CNOT10: variants seen among roughly 807,000 people sequenced by gnomAD.
CNOT10 encodes the protein CCR4-NOT transcription complex subunit 10.
Under a neutral mutation model 94.6 loss-of-function variants are expected in CNOT10, and 30 were observed. That is an observed-to-expected ratio of 0.32 (90% CI 0.24 to 0.43). The LOEUF is 0.43. Among genes scored for constraint, CNOT10 ranks in the 20% least tolerant of loss-of-function variants. The probability of loss-of-function intolerance (pLI) is 1.00; values close to 1 mark genes in which losing one functional copy is unlikely to be tolerated. For missense variants in CNOT10, 759 were observed against 877.2 expected (o/e 0.87, Z 1.70); for synonymous variants, 289 against 301.6 (o/e 0.96, Z 0.43).
intron 16 of CNOT10, 76 bp downstream of exon 16, chr3:32,764,566 C>A: frequency 1.2e-6 from 2 of 1,602,596 alleles, no homozygotes; most frequent in South Asian, 2.2e-5. Flanking sequence ...CTTCTGTGTT[C>A]GTTTTTCTGC....
chr3:32,745,475 T>C (rs200684797), intron 13 of CNOT10, among the ~76,000 whole-genome samples: 1 of 152,098 alleles, frequency 6.6e-6, no homozygotes, highest in African/African-American at 2.4e-5. Context: ...AAGGATTGAA[T>C]AAACATTCTG....
At chr3:32,728,160 C>T (rs553953689) in intron 10 of CNOT10, among the ~76,000 whole-genome samples, 7 of 151,924 alleles carry the variant, frequency 4.6e-5, no homozygotes, top group African/African-American at 1.7e-4. Flanking sequence ...CCACGCCCAG[C>T]TAATTTTGTA....
At chr3:32,718,583 C>CAAAAAAA in intron 7 of CNOT10, among the ~76,000 whole-genome samples, 1 of 74,038 alleles carries the variant, frequency 1.4e-5, no homozygotes, top group Non-Finnish European at 2.4e-5. Context: ...GACTCATTCT[C>CAAAAAAA]AAAAAAAAAA....
At chr3:32,696,956 CTT>C (rs1220824270) in intron 1 of CNOT10, among the ~76,000 whole-genome samples, 2 of 139,646 alleles carry the variant, frequency 1.4e-5, no homozygotes, top group Non-Finnish European at 1.6e-5. Flanking sequence ...TTTTTCTTTT[CTT>C]TTTTTTTTTT....
At chr3:32,761,416 T>C (rs1472124569) in intron 14 of CNOT10, among the ~76,000 whole-genome samples, 2 of 152,156 alleles carry the variant, frequency 1.3e-5, no homozygotes, top group Non-Finnish European at 2.9e-5. Flanking sequence ...TGTGTGTGAC[T>C]GAGTCTGTCT....
At chr3:32,695,258 G>A (rs900340297) in intron 1 of CNOT10, among the ~76,000 whole-genome samples, 1 of 152,130 alleles carries the variant, frequency 6.6e-6, no homozygotes, top group Non-Finnish European at 1.5e-5. Context: ...TCATATGTGA[G>A]GTATGTTAAC....
chr3:32,722,456 T>G (rs1040003853), intron 8 of CNOT10, among the ~76,000 whole-genome samples: 1 of 152,228 alleles, frequency 6.6e-6, no homozygotes, highest in South Asian at 2.1e-4. Flanking sequence ...AAAGATAATA[T>G]ACTTTGAGAA....
chr3:32,762,977 G>A (rs1700515712), intron 15 of CNOT10, 114 bp downstream of exon 15: 1 of 1,160,600 alleles, frequency 8.6e-7, no homozygotes, highest in Admixed American at 3.4e-5. Context: ...GTTTTAGGTT[G>A]GCTTTCCACA....
chr3:32,752,493 G>C (rs187523325), intron 13 of CNOT10, among the ~76,000 whole-genome samples: 2 of 152,314 alleles, frequency 1.3e-5, no homozygotes, highest in East Asian at 3.9e-4. Context: ...CCCAGGATAA[G>C]ACTGGGTTCT....
At chr3:32,699,030 C>T (rs530634651) in intron 1 of CNOT10, among the ~76,000 whole-genome samples, 14 of 152,298 alleles carry the variant, frequency 9.2e-5, no homozygotes, top group Middle Eastern at 3.4e-3. Flanking sequence ...AAGTGATCCA[C>T]CCGCGTTGGC....
At chr3:32,771,121 G>C (rs1439511430) in intron 18 of CNOT10, among the ~76,000 whole-genome samples, 1 of 151,980 alleles carries the variant, frequency 6.6e-6, no homozygotes, top group Non-Finnish European at 1.5e-5. Context: ...GAGTTCAGGA[G>C]TTCAAGACCA....
chr3:32,733,431 A>G lies in CNOT10; in HGVS notation c.1224A>G (p.Glu408=). The G allele has an allele frequency of 6.3e-7, 1 of 1,585,796 alleles. No individual in the cohort carries two copies. The highest frequency in any genetic ancestry group is 8.6e-7 in the Non-Finnish European group (1 of 1,162,964). ...TTATTTGTATTTTGTAGACTTCTGAACAAGAAACTAAAGGCCTTCCCAGCA... is the reference window on the plus strand; with the variant it reads ...TTATTTGTATTTTGTAGACTTCTGAGCAAGAAACTAAAGGCCTTCCCAGCA... ...CCIAANKGTS[E]QETKGLPSKK... is the part of the protein sequence containing the mutation. Residue 408 remains glutamate (E), a synonymous_variant, in exon 11 of 19, where the codon GAA becomes GAG. Transcript: ENST00000328834.
chr3:32,688,925 G>T (rs750357126), intron 1 of CNOT10, among the ~76,000 whole-genome samples: 10 of 152,078 alleles, frequency 6.6e-5, no homozygotes, highest in Non-Finnish European at 1.3e-4. Flanking sequence ...AAAATAAAAG[G>T]CCGGACGTGG....
chr3:32,713,114 TAA>T, intron 4 of CNOT10, 111 bp from the exon 5 acceptor site: 1 of 804,754 alleles, frequency 1.2e-6, no homozygotes, highest in Non-Finnish European at 1.9e-6. Context: ...TTCATTTGAG[TAA>T]AGACTTATGC....
chr3:32,702,934 C>T (rs190700721), intron 1 of CNOT10, among the ~76,000 whole-genome samples: 21 of 148,284 alleles, frequency 1.4e-4, no homozygotes, highest in Middle Eastern at 3.5e-3. Context: ...TTTTTTGAGA[C>T]GGAGTCCTAC....
At chr3:32,758,960 T>C (rs574176839) in intron 13 of CNOT10, among the ~76,000 whole-genome samples, 2 of 152,304 alleles carry the variant, frequency 1.3e-5, no homozygotes, top group East Asian at 1.9e-4. Context: ...GTAGACTTAA[T>C]TGGTTGAGAA....
chr3:32,773,833 T>A lies in CNOT10; in HGVS notation c.*222T>A. On this transcript the variant is annotated 3_prime_UTR_variant, in exon 19 of 19. Coordinates refer to ENST00000328834, the MANE Select transcript of CNOT10 (RefSeq NM_015442.3). ...CCAGACTATTAATTTTGAGCCATTA[T>A]GTAATATATGCCATAGGCAATTAAA... 1 of 479,136 alleles carries A rather than the reference T, an allele frequency of 2.1e-6. No individual in the cohort carries two copies. The highest frequency in any genetic ancestry group is 3.6e-6 in the Non-Finnish European group (1 of 274,206). The allele number at this position is 479,136 out of a possible 1,614,324, so 29.7% of individuals were successfully genotyped here.
chr3:32,741,084 C>A (rs1559504133), intron 13 of CNOT10, among the ~76,000 whole-genome samples: 1 of 152,058 alleles, frequency 6.6e-6, no homozygotes, highest in Non-Finnish European at 1.5e-5. Context: ...TGCTCCTGCC[C>A]CTTATTTAAC....
At chr3:32,739,950 T>C (rs1481890718) in intron 13 of CNOT10, among the ~76,000 whole-genome samples, 4 of 151,996 alleles carry the variant, frequency 2.6e-5, no homozygotes, top group Non-Finnish European at 4.4e-5. Context: ...AAAAAAATTA[T>C]CTGGGCGTGA....
Sources: allele counts gnomAD v4.1 joint callset (sites outside exome capture counted in the v4.1 genomes callset), GRCh38; gene constraint gnomAD v4.1.1; transcripts MANE v1.5; gene names NCBI Gene and HGNC (gene_info 2026-07-23, HGNC 2026-07-21).